The following ABI1 variants were observed in gnomAD, a reference collection of about 807,000 sequenced individuals.
The protein encoded by ABI1 is abl interactor 1.
Under a neutral mutation model 54.6 loss-of-function variants are expected in ABI1, and 14 were observed. The ratio of observed to expected loss-of-function variants is 0.26; its 90% confidence interval spans 0.17 to 0.40. The LOEUF (loss-of-function observed/expected upper bound fraction) is 0.40. ABI1 is among the 10% of genes least tolerant of loss of function. ABI1 has a pLI of 1.00. For missense variants in ABI1, 443 were observed against 598.3 expected (o/e 0.74, Z 2.71); for synonymous variants, 194 against 209.3 (o/e 0.93, Z 0.63).
chr10:26,773,337 G>A (rs1230928499), intron 3 of ABI1, among the ~76,000 whole-genome samples: 1 of 150,806 alleles, frequency 6.6e-6, no homozygotes, highest in Admixed American at 6.6e-5. Context: ...AAGTAGCTGG[G>A]ATTAAAACTG....
intron 3 of ABI1, among the ~76,000 whole-genome samples, chr10:26,772,183 T>C (rs1840775137): frequency 6.6e-6 from 1 of 152,066 alleles, no homozygotes; most frequent in Non-Finnish European, 1.5e-5. Context: ...CTTACTTCTA[T>C]CTGGAAACAA....
rs941683504 is a variant in ABI1, at chr10:26,826,915, T to C, written c.118-3610A>G. Among the ~76,000 whole-genome samples the C allele has an allele frequency of 1.9e-4, 29 of 152,238 alleles. No individual in the cohort carries two copies. The South Asian group carries it at 2.3e-3, about 12-fold the overall frequency. On this transcript the variant is annotated intron_variant, in intron 1 of 10. Coordinates refer to ENST00000376140, the MANE Select transcript of ABI1 (RefSeq NM_001012750.3). Reference sequence around the variant, plus strand: ...GGAATATTGTGGCTAGTTTGATTTTTTTTTTTTTTCTTTTTTGAGACGGAG... The same window carrying C: ...GGAATATTGTGGCTAGTTTGATTTTCTTTTTTTTTCTTTTTTGAGACGGAG...
chr10:26,849,227 A>G (rs2050212526), intron 1 of ABI1, among the ~76,000 whole-genome samples: 1 of 152,160 alleles, frequency 6.6e-6, no homozygotes, highest in Non-Finnish European at 1.5e-5. Flanking sequence ...GGTAAATAAA[A>G]TTACAATAGC....
At chr10:26,853,564 C>T (rs2050582061) in intron 1 of ABI1, among the ~76,000 whole-genome samples, 1 of 145,226 alleles carries the variant, frequency 6.9e-6, no homozygotes, top group African/African-American at 2.6e-5. Context: ...CGGAGTCTCG[C>T]TCTGTCACCC....
chr10:26,784,026 T>C (rs1260495018), intron 2 of ABI1, among the ~76,000 whole-genome samples: 2 of 152,166 alleles, frequency 1.3e-5, no homozygotes, highest in East Asian at 1.9e-4. Context: ...ACAACAACCC[T>C]GTCTGGCACC....
At chr10:26,780,011 C>A (rs1161661408) in intron 2 of ABI1, among the ~76,000 whole-genome samples, 1 of 152,134 alleles carries the variant, frequency 6.6e-6, no homozygotes, top group African/African-American at 2.4e-5. Flanking sequence ...GTATTGAAAT[C>A]AAGCAAGAAT....
At chr10:26,803,823 C>T (rs1253631318) in intron 2 of ABI1, among the ~76,000 whole-genome samples, 3 of 152,142 alleles carry the variant, frequency 2.0e-5, no homozygotes, top group South Asian at 4.1e-4. Flanking sequence ...ATTGAAGATA[C>T]TAGGGATACA....
At chr10:26,837,767 A>C (rs2049189975) in intron 1 of ABI1, among the ~76,000 whole-genome samples, 1 of 151,356 alleles carries the variant, frequency 6.6e-6, no homozygotes, top group Non-Finnish European at 1.5e-5. Flanking sequence ...GGTGGGTGCC[A>C]CCACACCCAG....
intron 1 of ABI1, among the ~76,000 whole-genome samples, chr10:26,832,326 T>G (rs1271319095): frequency 1.3e-5 from 2 of 152,162 alleles, no homozygotes; most frequent in African/African-American, 2.4e-5. Flanking sequence ...CTCACTCCTG[T>G]AATCCCAGCA....
chr10:26,833,948 G>A (rs564143515), intron 1 of ABI1, among the ~76,000 whole-genome samples: 11 of 152,086 alleles, frequency 7.2e-5, no homozygotes, highest in Non-Finnish European at 1.5e-4. Flanking sequence ...AATATACTGG[G>A]GCCGGGCACA....
intron 2 of ABI1, among the ~76,000 whole-genome samples, chr10:26,813,671 C>T (rs2047379771): frequency 6.6e-6 from 1 of 152,168 alleles, no homozygotes; most frequent in Non-Finnish European, 1.5e-5. Context: ...AACAACAAAT[C>T]ACAACAGAGT....
chr10:26,823,079 C>T, intron 2 of ABI1, 59 bp downstream of exon 2: 2 of 1,431,050 alleles, frequency 1.4e-6, no homozygotes, highest in East Asian at 2.5e-5. Context: ...CTATTTACTT[C>T]TTTGGCATAT....
chr10:26,856,245 C>T (rs1276169560), intron 1 of ABI1, among the ~76,000 whole-genome samples: 3 of 150,448 alleles, frequency 2.0e-5, no homozygotes, highest in Non-Finnish European at 4.4e-5. Flanking sequence ...TGCACTCCAG[C>T]CTGGGTGACA....
chr10:26,752,454 T>C (rs1348793802), intron 9 of ABI1, among the ~76,000 whole-genome samples: 1 of 152,194 alleles, frequency 6.6e-6, no homozygotes, highest in Non-Finnish European at 1.5e-5. Flanking sequence ...TATTCATAAT[T>C]AGTTTTTTAA....
chr10:26,798,424 T>C (rs72794103), intron 2 of ABI1, among the ~76,000 whole-genome samples: 54 of 152,120 alleles, frequency 3.5e-4, no homozygotes, highest in Non-Finnish European at 6.2e-4. Flanking sequence ...CATTGGTGAC[T>C]TAAAGATGGA....
At chr10:26,752,583 CAT>C (rs1013333062) in intron 9 of ABI1, among the ~76,000 whole-genome samples, 38 of 151,686 alleles carry the variant, frequency 2.5e-4, no homozygotes, top group Middle Eastern at 6.8e-3. Context: ...AAGATTTAAA[CAT>C]AAAGTGTTGA....
intron 1 of ABI1, among the ~76,000 whole-genome samples, chr10:26,830,900 A>AT (rs1034461546): frequency 3.9e-5 from 6 of 151,912 alleles, no homozygotes; most frequent in African/African-American, 7.3e-5. Flanking sequence ...TATTTTGCCC[A>AT]TTTTTTTAAT....
Position 26,810,974 on chromosome 10 carries a change from A to G in ABI1, c.285+12164T>C, listed in dbSNP as rs537063578. Among the ~76,000 whole-genome samples, 19 of 152,264 alleles carry G rather than the reference A, an allele frequency of 1.2e-4. 1 individual carries two copies. The South Asian group carries it at 3.9e-3, about 32-fold the overall frequency. On this transcript the variant is annotated intron_variant, in intron 2 of 10. Transcript: ENST00000376140. The stretch of plus-strand genomic sequence containing the variant: ...AGGAGAAGGAAAGAAAATACAAAGG[A>G]AGAAAACCTAATGCTATCAGAAATC...
intron 7 of ABI1, among the ~76,000 whole-genome samples, chr10:26,761,056 C>T (rs1320103611): frequency 6.6e-6 from 1 of 151,870 alleles, no homozygotes; most frequent in African/African-American, 2.4e-5. Context: ...AATCCTCCTA[C>T]CAGAGCCTCC....
Sources: gnomAD v4.1 joint callset for allele counts (sites outside exome capture counted in the v4.1 genomes callset) on GRCh38, gnomAD v4.1.1 for gene constraint, MANE v1.5 for transcripts, NCBI Gene and HGNC (gene_info 2026-07-23, HGNC 2026-07-21) for gene names.